The following MXRA7 variants were observed in gnomAD, a reference collection of about 807,000 sequenced individuals.
MXRA7 encodes matrix remodeling associated 7, also known as matrix-remodeling-associated protein 7.
Under a neutral mutation model 17.4 loss-of-function variants are expected in MXRA7, and 18 were observed. The ratio of observed to expected loss-of-function variants is 1.03; its 90% CI spans 0.71 to 1.53. MXRA7 has a LOEUF of 1.53. MXRA7 is among the 40% of genes most tolerant of loss of function. MXRA7 has a pLI of 0.00. For missense variants in MXRA7, 141 were observed against 209.3 expected (o/e 0.67, Z 2.01); for synonymous variants, 70 against 101.7 (o/e 0.69, Z 1.87).
rs770313226 is a variant in MXRA7 at position 76,685,177 on chromosome 17, G to A, written c.407-12C>T. On this transcript the variant is annotated splice_polypyrimidine_tract_variant and intron_variant, in intron 2 of 3. Coordinates refer to ENST00000449428, the MANE Select transcript of MXRA7 (RefSeq NM_198530.4). ...GGAGAAGCCTTCTCCTGTGGAGGGGGGACCCAGTAAGTGCCAGGAGTGCTG... is the reference window on the plus strand; with the variant it reads ...GGAGAAGCCTTCTCCTGTGGAGGGGAGACCCAGTAAGTGCCAGGAGTGCTG... 15 of 1,608,448 alleles carry A rather than the reference G, an allele frequency of 9.3e-6. No homozygotes were observed. The South Asian group carries it at 1.1e-4, about 12-fold the overall frequency.
At chr17:76,683,403 A>G (rs2076335843) in intron 3 of MXRA7, among the ~76,000 whole-genome samples, 1 of 152,224 alleles carries the variant, frequency 6.6e-6, no homozygotes, top group Non-Finnish European at 1.5e-5. Context: ...CCTGATCCTA[A>G]GAACCTGCCT....
At chr17:76,678,357 G>A (rs866101060), downstream of MXRA7, among the ~76,000 whole-genome samples, 3 of 152,186 alleles carry the variant, frequency 2.0e-5, no homozygotes, top group Non-Finnish European at 4.4e-5. Flanking sequence ...TTTGCTCCAC[G>A]CGGGTTCTGT....
chr17:76,707,946 A>C (rs535817558), intron 1 of MXRA7, among the ~76,000 whole-genome samples: 3 of 152,294 alleles, frequency 2.0e-5, no homozygotes, highest in Admixed American at 1.3e-4. Context: ...GCTAATCCTT[A>C]GGAGAGAAAA....
exon 4 of MXRA7, chr17:76,673,265 G>C (rs1057498058): frequency 6.6e-6 from 1 of 152,212 alleles, no homozygotes; most frequent in African/African-American, 2.4e-5. Flanking sequence ...GGGAAGAAAG[G>C]AAACAACTTC....
At chr17:76,696,569 T>G (rs1407652947) in intron 1 of MXRA7, among the ~76,000 whole-genome samples, 3 of 151,132 alleles carry the variant, frequency 2.0e-5, no homozygotes, top group African/African-American at 7.3e-5. Flanking sequence ...TACAAATTTT[T>G]TAAACGAAAA....
intron 1 of MXRA7, chr17:76,688,615 T>G: frequency 8.0e-7 from 1 of 1,248,104 alleles, no homozygotes; most frequent in Non-Finnish European, 1.0e-6. Context: ...TCCTTCTATG[T>G]TGTTTTCCAT....
intron 1 of MXRA7, chr17:76,688,793 G>T: frequency 1.4e-6 from 1 of 708,094 alleles, no homozygotes; most frequent in Non-Finnish European, 2.0e-6. Context: ...GGATGAGAGC[G>T]ACGTGCCGTG....
In MXRA7 at chr17:76,686,294, T is replaced by C. The variant is rs559444642; in HGVS notation, c.407-1129A>G. ...AGGAGTTCGAGACCAACCTGGCCAA[T>C]GTGGCAAAACCCCGTCTCTACTAAA... On this transcript the variant is annotated intron_variant, in intron 2 of 3. Coordinates refer to ENST00000449428, the MANE Select transcript of MXRA7 (RefSeq NM_198530.4). Among the ~76,000 whole-genome samples, 50 of 152,016 alleles carry C rather than the reference T, an allele frequency of 3.3e-4. No individual in the cohort carries two copies. The South Asian group carries it at 8.3e-3, about 25-fold the overall frequency.
At chr17:76,673,309 C>T (rs1598326548) in exon 4 of MXRA7, 2 of 152,362 alleles carry the variant, frequency 1.3e-5, no homozygotes, top group African/African-American at 4.8e-5. Context: ...TCCTCATCTG[C>T]CACCTCTCCT....
At chr17:76,689,063 CT>C (rs1431336817) in intron 1 of MXRA7, 2 of 157,240 alleles carry the variant, frequency 1.3e-5, no homozygotes, top group Non-Finnish European at 2.8e-5. Flanking sequence ...CTCTGAGTGA[CT>C]TTTTGTTTGT....
At chr17:76,691,988 G>T (rs979337032) in intron 1 of MXRA7, among the ~76,000 whole-genome samples, 1 of 152,154 alleles carries the variant, frequency 6.6e-6, no homozygotes. Flanking sequence ...GGGCAGATCC[G>T]TATCCCCAAA....
chr17:76,697,964 A>G (rs756381228), intron 1 of MXRA7, among the ~76,000 whole-genome samples: 22 of 152,008 alleles, frequency 1.4e-4, no homozygotes, highest in Non-Finnish European at 2.6e-4. Flanking sequence ...ACACTAACAG[A>G]GGGAGAGAGA....
At chr17:76,676,447 TCTG>T (rs2076241645), downstream of MXRA7, 1 of 152,182 alleles carries the variant, frequency 6.6e-6, no homozygotes, top group South Asian at 2.1e-4. Flanking sequence ...AAGGTGAGTC[TCTG>T]AATTAGACTT....
intron 1 of MXRA7, among the ~76,000 whole-genome samples, chr17:76,691,671 G>A (rs1395912260): frequency 6.6e-6 from 1 of 152,152 alleles, no homozygotes; most frequent in Non-Finnish European, 1.5e-5. Flanking sequence ...TGCATATTTG[G>A]TATCAGAAGT....
At chr17:76,677,550 G>C, downstream of MXRA7, 1 of 1,411,156 alleles carries the variant, frequency 7.1e-7, no homozygotes, top group Non-Finnish European at 1.0e-6. Flanking sequence ...GGTGGGGACA[G>C]CATCAGGCAT....
chr17:76,681,455 G>A lies in MXRA7; in HGVS notation c.501-576C>T, dbSNP rs2076302292. 6.6e-6 allele frequency among the ~76,000 whole-genome samples: 1 copy of A among 152,108 alleles called. No individual in the cohort carries two copies. The highest frequency in any genetic ancestry group is 2.4e-5 in the African/African-American group (1 of 41,408). On this transcript the variant is annotated intron_variant, in intron 3 of 3. Coordinates refer to ENST00000449428, the MANE Select transcript of MXRA7 (RefSeq NM_198530.4). The surrounding 1 kb of genome is among the most constrained non-coding windows in gnomAD (Gnocchi z 4.7). ...CAGTCAGCACGCATTTCCAGCCTGAGCTGGAAATTCACACTGGCAGGTCTA... is the reference window on the plus strand; with the variant it reads ...CAGTCAGCACGCATTTCCAGCCTGAACTGGAAATTCACACTGGCAGGTCTA...
chr17:76,675,016 G>A (rs1448554484), downstream of MXRA7: 3 of 152,156 alleles, frequency 2.0e-5, no homozygotes, highest in Non-Finnish European at 4.4e-5. Flanking sequence ...GACCATTCTG[G>A]GCCTGGAGTT....
chr17:76,677,147 C>CTGGG, downstream of MXRA7: 1 of 155,094 alleles, frequency 6.4e-6, no homozygotes, highest in East Asian at 1.9e-4. Flanking sequence ...ACAAAATTAG[C>CTGGG]CAGGTGTGAT....
intron 2 of MXRA7, among the ~76,000 whole-genome samples, chr17:76,687,590 G>T (rs1016665481): frequency 6.6e-6 from 1 of 152,158 alleles, no homozygotes; most frequent in Admixed American, 6.5e-5. Context: ...GGCCGGGTCC[G>T]ATCTGGCAGT....
Sources: allele counts gnomAD v4.1 joint callset (sites outside exome capture counted in the v4.1 genomes callset), GRCh38; gene constraint gnomAD v4.1.1; non-coding constraint Gnocchi (gnomAD v3.1); transcripts MANE v1.5; gene names NCBI Gene and HGNC (gene_info 2026-07-23, HGNC 2026-07-21).